PTPRD: variants seen among roughly 807,000 people sequenced by gnomAD.
The protein encoded by PTPRD is protein tyrosine phosphatase receptor type D.
Under a neutral mutation model 214.5 loss-of-function variants are expected in PTPRD, and 34 were observed. The ratio of observed to expected loss-of-function variants is 0.16; its 90% CI spans 0.12 to 0.21. The LOEUF (loss-of-function observed/expected upper bound fraction) is 0.21. PTPRD is among the 10% of genes least tolerant of loss of function. The pLI, the probability that PTPRD is intolerant of heterozygous loss-of-function variation, is 1.00. For synonymous variants in PTPRD, 1,128 were observed against 845.7 expected (o/e 1.33, Z -5.79); for missense variants, 2,545 against 2,398.7 (o/e 1.06, Z -1.27).
chr9:8,581,550 C>T (rs1282929751), intron 14 of PTPRD, among the ~76,000 whole-genome samples: 1 of 149,682 alleles, frequency 6.7e-6, no homozygotes, highest in Non-Finnish European at 1.5e-5. Flanking sequence ...ATATTGAGAC[C>T]ATTCTGGCTA....
chr9:8,875,224 A>G (rs942088639), intron 11 of PTPRD, among the ~76,000 whole-genome samples: 6 of 152,154 alleles, frequency 3.9e-5, no homozygotes, highest in Non-Finnish European at 7.3e-5. Context: ...TGGTGATGAG[A>G]AAGCTCTCTG....
chr9:9,620,733 T>C (rs1455873310), intron 7 of PTPRD, among the ~76,000 whole-genome samples: 1 of 152,110 alleles, frequency 6.6e-6, no homozygotes, highest in Admixed American at 6.6e-5. Context: ...CAACATAATA[T>C]ATGTTAGCTC....
At chr9:9,430,344 T>A (rs200635268) in intron 8 of PTPRD, among the ~76,000 whole-genome samples, 5,331 of 144,038 alleles carry the variant, frequency 0.037, 134 homozygotes, top group Middle Eastern at 0.12. Flanking sequence ...CCAACTTACA[T>A]GGGTTGTGAA....
intron 9 of PTPRD, among the ~76,000 whole-genome samples, chr9:9,320,271 C>T (rs1298003021): frequency 2.0e-5 from 3 of 151,334 alleles, no homozygotes; most frequent in Admixed American, 6.6e-5. Flanking sequence ...TTTTTTCCCT[C>T]ACATATCATC....
intron 14 of PTPRD, among the ~76,000 whole-genome samples, chr9:8,624,018 T>C (rs2095915291): frequency 6.6e-6 from 1 of 151,940 alleles, no homozygotes; most frequent in Non-Finnish European, 1.5e-5. Context: ...TTCACAGAAA[T>C]CATAAAACAG....
chr9:9,430,994 C>G (rs1054239419), intron 8 of PTPRD, among the ~76,000 whole-genome samples: 10 of 152,122 alleles, frequency 6.6e-5, no homozygotes, highest in African/African-American at 2.2e-4. Context: ...TAGGCATGGG[C>G]AAGGACTTCA....
At chr9:9,803,928 T>G (rs2099057438) in intron 5 of PTPRD, 1 of 152,074 alleles carries the variant, frequency 6.6e-6, no homozygotes, top group South Asian at 2.1e-4. Flanking sequence ...AGTGTTTCAC[T>G]ATCTCACTAG....
intron 11 of PTPRD, among the ~76,000 whole-genome samples, chr9:8,848,554 A>G (rs939191860): frequency 1.3e-4 from 19 of 144,596 alleles, no homozygotes; most frequent in African/African-American, 4.8e-4. Flanking sequence ...TATGTTGCCC[A>G]GGCTGGTCTT....
intron 27 of PTPRD, among the ~76,000 whole-genome samples, chr9:8,491,877 G>T (rs1030233288): frequency 6.6e-6 from 1 of 152,106 alleles, no homozygotes; most frequent in South Asian, 2.1e-4. Context: ...TTCCTAAAAA[G>T]ATATTTGAGA....
intron 3 of PTPRD, among the ~76,000 whole-genome samples, chr9:10,314,984 T>C (rs150194190): frequency 1.7e-3 from 262 of 152,034 alleles, no homozygotes; most frequent in African/African-American, 6.0e-3. Context: ...CTCTACTTCC[T>C]TGCCATTTAA....
intron 2 of PTPRD, among the ~76,000 whole-genome samples, chr9:10,458,326 C>T (rs150033694): frequency 6.6e-6 from 1 of 152,012 alleles, no homozygotes; most frequent in African/African-American, 2.4e-5. Flanking sequence ...ATTCAACATC[C>T]CATCAAAAGA....
At chr9:10,548,505 C>T (rs2060622495) in intron 2 of PTPRD, among the ~76,000 whole-genome samples, 2 of 152,142 alleles carry the variant, frequency 1.3e-5, no homozygotes, top group South Asian at 4.1e-4. Context: ...GAGGGCTCAG[C>T]TGTTCTGTGA....
intron 7 of PTPRD, among the ~76,000 whole-genome samples, chr9:9,604,443 G>A (rs2094009210): frequency 6.6e-6 from 1 of 152,022 alleles, no homozygotes; most frequent in Admixed American, 6.6e-5. Context: ...TGGAATTTTA[G>A]TTCTGATTAT....
chr9:10,270,646 A>C (rs532276909), intron 3 of PTPRD, among the ~76,000 whole-genome samples: 1 of 152,302 alleles, frequency 6.6e-6, no homozygotes, highest in African/African-American at 2.4e-5. Context: ...AATGACAATT[A>C]AATTTAAATG....
intron 10 of PTPRD, among the ~76,000 whole-genome samples, chr9:9,067,992 C>T (rs559981730): frequency 2.2e-4 from 34 of 152,286 alleles, no homozygotes; most frequent in African/African-American, 5.3e-4. Flanking sequence ...CCACCTCTCC[C>T]GGCTACCAGT....
intron 2 of PTPRD, among the ~76,000 whole-genome samples, chr9:10,546,997 C>G (rs1020856015): frequency 6.6e-6 from 1 of 152,182 alleles, no homozygotes; most frequent in South Asian, 2.1e-4. Flanking sequence ...TTAATGGAGG[C>G]AGGTCATCTG....
At chr9:9,000,962 T>G (rs1241096040) in intron 11 of PTPRD, among the ~76,000 whole-genome samples, 1 of 151,844 alleles carries the variant, frequency 6.6e-6, no homozygotes, top group Non-Finnish European at 1.5e-5. Flanking sequence ...TACAAACAGC[T>G]ACAGCAAAGC....
intron 2 of PTPRD, among the ~76,000 whole-genome samples, chr9:10,527,303 A>G (rs1328736062): frequency 6.6e-6 from 1 of 152,174 alleles, no homozygotes; most frequent in Admixed American, 6.6e-5. Context: ...GCAGTAAAGA[A>G]CAGCCTCAAA....
intron 9 of PTPRD, among the ~76,000 whole-genome samples, chr9:9,382,047 A>C (rs1038404827): frequency 5.9e-5 from 9 of 152,006 alleles, no homozygotes; most frequent in Admixed American, 5.9e-4. Flanking sequence ...GTCTCTTTAC[A>C]TTTCTACCAT....
Sources: gnomAD v4.1 joint callset for allele counts (sites outside exome capture counted in the v4.1 genomes callset) on GRCh38, gnomAD v4.1.1 for gene constraint, MANE v1.5 for transcripts, NCBI Gene and HGNC (gene_info 2026-07-23, HGNC 2026-07-21) for gene names.